NOX4: variants seen among roughly 807,000 people sequenced by gnomAD.
The protein encoded by NOX4 is kidney oxidase-1.
A neutral mutation model predicts 87.6 loss-of-function variants in NOX4; 69 were observed. The ratio of observed to expected loss-of-function variants is 0.79; its 90% CI spans 0.65 to 0.96. The LOEUF (loss-of-function observed/expected upper bound fraction) is 0.96, where lower values mean the gene tolerates loss of function less well. Ranked by LOEUF, NOX4 falls within the 40% of genes least tolerant of loss-of-function variation. The probability of loss-of-function intolerance (pLI) is 0.00; values close to 1 mark genes in which losing one functional copy is unlikely to be tolerated. For missense variants in NOX4, 680 were observed against 681.5 expected (o/e 1.00, Z 0.02); for synonymous variants, 275 against 238.2 (o/e 1.15, Z -1.42).
chr11:89,568,291 C>T, the NOX4 span, among the ~76,000 whole-genome samples: 6 of 152,042 alleles, frequency 3.9e-5, no homozygotes, highest in South Asian at 4.1e-4. Flanking sequence ...AATAGATTAA[C>T]GAAACAAAAA....
intron 6 of NOX4, among the ~76,000 whole-genome samples, chr11:89,438,846 T>A (rs55635067): frequency 0.58 from 14,449 of 25,022 alleles, 2,947 homozygotes; most frequent in Admixed American, 0.61. Context: ...ATTATATATA[T>A]TATATAATAT....
chr11:89,382,969 T>A (rs1940407130), intron 11 of NOX4, among the ~76,000 whole-genome samples: 2 of 152,054 alleles, frequency 1.3e-5, no homozygotes, highest in South Asian at 4.2e-4. Flanking sequence ...TTTACCGCCC[T>A]AGACCCAGAG....
chr11:89,350,129 GT>G (rs1946394456), intron 13 of NOX4, among the ~76,000 whole-genome samples: 1 of 152,082 alleles, frequency 6.6e-6, no homozygotes, highest in Non-Finnish European at 1.5e-5. Context: ...ATGGAGCAAT[GT>G]CTACAATTAC....
chr11:89,439,959 A>C (rs550819281), intron 6 of NOX4, among the ~76,000 whole-genome samples: 1 of 152,294 alleles, frequency 6.6e-6, no homozygotes, highest in African/African-American at 2.4e-5. Context: ...TTACTGAATT[A>C]TAAGAACTCC....
Position 89,340,083 on chromosome 11 carries a change from G to A in NOX4, c.1426C>T (p.Leu476Phe). 6.4e-7 allele frequency: 1 copy of A among 1,565,532 alleles called. No homozygotes were observed. Among genetic ancestry groups the A allele is most frequent in the Non-Finnish European group, 8.6e-7 (1 of 1,162,248 alleles). ...GTTACCTTGTTATGCAACATACAGA[G>A]TAAATCTGCAAACCAACGGAAGGAC... The part of the protein sequence containing the change: ...IQSFRWFADL[L>F]CMLHNKFWQE... The change falls in exon 15 of 18, where the codon CTC (leucine) becomes TTC (phenylalanine). Residue 476 changes from leucine (L) to phenylalanine (F), a missense_variant. Physicochemically the swap from Leu to Phe is conservative, Grantham distance 22. Coordinates refer to ENST00000263317, the MANE Select transcript of NOX4 (RefSeq NM_016931.5).
intron 7 of NOX4, among the ~76,000 whole-genome samples, chr11:89,428,873 C>CCTAATAGG (rs2135296842): frequency 6.6e-6 from 1 of 152,314 alleles, no homozygotes; most frequent in South Asian, 2.1e-4. Flanking sequence ...ACCTAATAGA[C>CCTAATAGG]ACCTACAGAA....
chr11:89,406,009 T>G (rs2135203892), intron 8 of NOX4, among the ~76,000 whole-genome samples: 1 of 152,246 alleles, frequency 6.6e-6, no homozygotes, highest in South Asian at 2.1e-4. Flanking sequence ...GGCTATAGAC[T>G]TAGAAACGGA....
At chr11:89,435,480 G>C (rs1331094857) in intron 6 of NOX4, among the ~76,000 whole-genome samples, 1 of 151,912 alleles carries the variant, frequency 6.6e-6, no homozygotes, top group Admixed American at 6.6e-5. Context: ...TGAAATATTA[G>C]TTTCTATTAC....
intron 8 of NOX4, among the ~76,000 whole-genome samples, chr11:89,405,696 T>C (rs1412088108): frequency 1.3e-5 from 2 of 150,766 alleles, no homozygotes; most frequent in Admixed American, 1.3e-4. Context: ...TACTGAAAGT[T>C]CACTGGAAGG....
intron 11 of NOX4, among the ~76,000 whole-genome samples, chr11:89,382,560 C>T (rs551110637): frequency 1.3e-5 from 2 of 152,178 alleles, no homozygotes; most frequent in African/African-American, 4.8e-5. Flanking sequence ...TCCCCTCAGT[C>T]CCAACCCCAA....
chr11:89,507,081 G>T, the NOX4 span, among the ~76,000 whole-genome samples: 1 of 151,868 alleles, frequency 6.6e-6, no homozygotes. Flanking sequence ...TTTCACAAAT[G>T]CCTAGGGAAT....
the NOX4 span, among the ~76,000 whole-genome samples, chr11:89,553,276 A>T: frequency 2.0e-5 from 3 of 152,166 alleles, no homozygotes; most frequent in Non-Finnish European, 4.4e-5. Context: ...TCGTGGGGAC[A>T]GTTTCCCCAT....
chr11:89,491,144 C>T (rs1485554840), intron 1 of NOX4, 46 bp downstream of exon 1: 1 of 1,580,480 alleles, frequency 6.3e-7, no homozygotes, highest in Non-Finnish European at 8.7e-7. Flanking sequence ...ATCAAAATCA[C>T]TGCAGGACAG....
the NOX4 span, among the ~76,000 whole-genome samples, chr11:89,505,311 G>T: frequency 1.3e-5 from 2 of 151,926 alleles, no homozygotes; most frequent in Admixed American, 1.3e-4. Context: ...TGTCTATGAG[G>T]AGATCATGTT....
At chr11:89,332,689 C>G (rs1945527027) in intron 17 of NOX4, among the ~76,000 whole-genome samples, 1 of 151,674 alleles carries the variant, frequency 6.6e-6, no homozygotes, top group Non-Finnish European at 1.5e-5. Context: ...CACTCTTTAT[C>G]TGTGACAAGC....
At chr11:89,571,100 T>C in the NOX4 span, among the ~76,000 whole-genome samples, 2 of 152,222 alleles carry the variant, frequency 1.3e-5, no homozygotes, top group Non-Finnish European at 2.9e-5. Context: ...GTATTCAGTT[T>C]AGCCATTCTG....
chr11:89,358,081 G>A (rs942188344), intron 12 of NOX4, among the ~76,000 whole-genome samples: 4 of 151,912 alleles, frequency 2.6e-5, no homozygotes, highest in Non-Finnish European at 5.9e-5. Context: ...AATAGCTATC[G>A]TGGTTGTCAA....
chr11:89,430,372 A>C (rs1050835342), intron 7 of NOX4, among the ~76,000 whole-genome samples: 3 of 152,108 alleles, frequency 2.0e-5, no homozygotes, highest in African/African-American at 7.2e-5. Context: ...GGCAGGAGAA[A>C]GAAATAAAGG....
chr11:89,336,370 T>C lies in NOX4; in HGVS notation c.1516-425A>G, dbSNP rs545973517. On this transcript the variant is annotated intron_variant, in intron 16 of 17. Coordinates refer to ENST00000263317, the MANE Select transcript of NOX4 (RefSeq NM_016931.5). Reference sequence around the variant, plus strand: ...GTCAATCTCAAAAAGGCTCAGCACATAGACTTCAACATTGAAGTATTTTGG... The same window carrying C: ...GTCAATCTCAAAAAGGCTCAGCACACAGACTTCAACATTGAAGTATTTTGG... Among the ~76,000 whole-genome samples, 6 of 152,044 alleles carry C rather than the reference T, an allele frequency of 3.9e-5. No homozygotes were observed. The East Asian group carries it at 1.2e-3, about 29-fold the overall frequency.
Sources: allele counts gnomAD v4.1 joint callset (sites outside exome capture counted in the v4.1 genomes callset), GRCh38; gene constraint gnomAD v4.1.1; transcripts MANE v1.5; gene names NCBI Gene and HGNC (gene_info 2026-07-23, HGNC 2026-07-21).